DCHS2: variants seen among roughly 807,000 people sequenced by gnomAD.
The protein encoded by DCHS2 is protocadherin-23.
A neutral mutation model predicts 182.4 loss-of-function variants in DCHS2; 142 were observed. The observed-to-expected ratio is 0.78, with a 90% CI of 0.68 to 0.89. DCHS2 has a LOEUF of 0.89. Ranked by LOEUF, DCHS2 falls within the 40% of genes least tolerant of loss-of-function variation. The pLI is 0.00. For missense variants in DCHS2, 4,319 were observed against 4,198.6 expected, an observed-to-expected ratio of 1.03 and a Z score of -0.79; for synonymous variants, 1,740 against 1,663.3, an observed-to-expected ratio of 1.05 and a Z score of -1.12.
At chr4:154,349,875 C>G (rs570346499) in intron 3 of DCHS2, among the ~76,000 whole-genome samples, 1 of 152,286 alleles carries the variant, frequency 6.6e-6, no homozygotes, top group East Asian at 1.9e-4. Context: ...AAATGCATAG[C>G]TAGTTCCAGA....
intron 16 of DCHS2, among the ~76,000 whole-genome samples, chr4:154,253,431 G>T (rs190428627): frequency 1.3e-5 from 2 of 152,242 alleles, no homozygotes; most frequent in Admixed American, 6.5e-5. Context: ...TGAGTAAGAA[G>T]AACACTGTAA....
At chr4:154,239,045 T>C (rs1303986448) in intron 19 of DCHS2, 125 bp downstream of exon 19, 3 of 1,281,382 alleles carry the variant, frequency 2.3e-6, no homozygotes, top group Non-Finnish European at 3.1e-6. Flanking sequence ...GAAACAGTCG[T>C]GCTTATAATT....
chr4:154,285,854 G>T (rs1371369659), intron 13 of DCHS2, among the ~76,000 whole-genome samples: 1 of 151,968 alleles, frequency 6.6e-6, no homozygotes, highest in Non-Finnish European at 1.5e-5. Context: ...CCACTGTAGA[G>T]CCCTGGGGCC....
chr4:154,394,380 G>A (rs1377435199), intron 1 of DCHS2, among the ~76,000 whole-genome samples: 1 of 152,176 alleles, frequency 6.6e-6, no homozygotes, highest in East Asian at 1.9e-4. Context: ...TTGGACTCTG[G>A]TTTTCCCTCT....
chr4:154,406,328 A>C (rs1732399328), intron 1 of DCHS2, among the ~76,000 whole-genome samples: 1 of 152,182 alleles, frequency 6.6e-6, no homozygotes, highest in South Asian at 2.1e-4. Context: ...CTGCTCCTCA[A>C]ACTATGCCTC....
chr4:154,397,255 T>C (rs1731970104), intron 1 of DCHS2, among the ~76,000 whole-genome samples: 1 of 152,210 alleles, frequency 6.6e-6, no homozygotes, highest in South Asian at 2.1e-4. Context: ...TACATATTTG[T>C]CAAAATCTAT....
At chr4:154,362,795 T>C (rs566260467) in intron 3 of DCHS2, among the ~76,000 whole-genome samples, 2 of 152,168 alleles carry the variant, frequency 1.3e-5, no homozygotes, top group Non-Finnish European at 2.9e-5. Flanking sequence ...GATGAAGACC[T>C]TTACTTAATG....
At chr4:154,440,915 T>C (rs1431238581) in intron 1 of DCHS2, among the ~76,000 whole-genome samples, 1 of 152,198 alleles carries the variant, frequency 6.6e-6, no homozygotes, top group Non-Finnish European at 1.5e-5. Context: ...ACTCCATATG[T>C]CATTAGAGAA....
rs543823452 is a variant in DCHS2 at position 154,483,421 on chromosome 4, G to A, written c.2052+5883C>T. 1.2e-3 allele frequency among the ~76,000 whole-genome samples: 188 copies of A among 152,318 alleles called. 1 individual carries two copies. The highest frequency in any genetic ancestry group is 4.4e-3 in the African/African-American group (182 of 41,556). ...TGATTCCAGATTACAGGGGATGGCT[G>A]TAGGATAGGGTTCCTGGAGAGGAAG... On this transcript the variant is annotated intron_variant, in intron 1 of 19. Coordinates refer to ENST00000357232, the MANE Select transcript of DCHS2 (RefSeq NM_001358235.2).
In DCHS2 at chr4:154,237,043, T is replaced by C; in HGVS notation, c.7609A>G (p.Ile2537Val). Residue 2537 changes from isoleucine to valine, a missense_variant, in exon 20 of 20, where the codon ATA (isoleucine) becomes GTA (valine). By Grantham distance (29) the Ile-to-Val change is conservative (BLOSUM62 3). Transcript: ENST00000357232. ...TAATTGTTCATATCTTCTATTCCTA[T>C]CTCCACTAAAGTAAGAGCTCTCAGG... Reference protein sequence around the residue: ...PDLRALTLVEIGIEDMNNYAP... With the variant: ...PDLRALTLVEVGIEDMNNYAP... 1 of 1,613,964 alleles carries C rather than the reference T, an allele frequency of 6.2e-7. No homozygotes were observed. The highest frequency in any genetic ancestry group is 8.5e-7 in the Non-Finnish European group (1 of 1,179,928).
chr4:154,457,051 T>C (rs764343489), intron 1 of DCHS2, among the ~76,000 whole-genome samples: 3 of 152,196 alleles, frequency 2.0e-5, no homozygotes, highest in Non-Finnish European at 4.4e-5. Flanking sequence ...TCTTCATTGT[T>C]GATTCCCCAG....
intron 12 of DCHS2, among the ~76,000 whole-genome samples, chr4:154,302,450 G>T (rs976664459): frequency 1.3e-5 from 2 of 152,140 alleles, no homozygotes; most frequent in Non-Finnish European, 2.9e-5. Flanking sequence ...CCGAGTTGTG[G>T]GGGCTGTTTT....
chr4:154,283,821 C>A (rs764663328), intron 13 of DCHS2, among the ~76,000 whole-genome samples: 22 of 152,110 alleles, frequency 1.4e-4, no homozygotes, highest in Non-Finnish European at 2.9e-4. Context: ...ACTTCCCAAC[C>A]ATTTCTTGTA....
chr4:154,482,626 T>C (rs550931052), intron 1 of DCHS2, among the ~76,000 whole-genome samples: 1 of 152,304 alleles, frequency 6.6e-6, no homozygotes, highest in Non-Finnish European at 1.5e-5. Context: ...TCGTATTATG[T>C]GCTAAGAGAA....
intron 6 of DCHS2, among the ~76,000 whole-genome samples, chr4:154,329,269 T>C (rs1736413737): frequency 6.6e-6 from 1 of 152,208 alleles, no homozygotes; most frequent in South Asian, 2.1e-4. Flanking sequence ...ACCATTCAGT[T>C]TGTGTACAAG....
intron 1 of DCHS2, 31 bp from the exon 2 acceptor site, chr4:154,377,475 C>T (rs375992484): frequency 1.9e-6 from 3 of 1,564,226 alleles, no homozygotes; most frequent in Non-Finnish European, 2.6e-6. Flanking sequence ...CAGGAGGAAA[C>T]AGAAATGCTA....
intron 1 of DCHS2, chr4:154,384,405 CT>C (rs780493388): frequency 1.2e-5 from 19 of 1,613,452 alleles, no homozygotes; most frequent in Non-Finnish European, 8.5e-7. Flanking sequence ...CTCTTCCTGG[CT>C]TCTGAACACT....
chr4:154,234,936 C>A lies in DCHS2; in HGVS notation c.9716G>T (p.Ser3239Ile), dbSNP rs992327289. The A allele has an allele frequency of 6.8e-6, 11 of 1,613,892 alleles. No homozygotes were observed. Among genetic ancestry groups the A allele is most frequent in the Non-Finnish European group, 3.4e-6 (4 of 1,179,940 alleles). The change falls in exon 20 of 20, where the codon AGT becomes ATT. Residue 3239 changes from serine (S) to isoleucine (I), a missense_variant. Physicochemically the swap from Ser to Ile is moderately radical, Grantham distance 142. Transcript: ENST00000357232. The stretch of plus-strand genomic sequence containing the variant: ...AAGAGGTTGGAATTTGGGCTCCCAA[C>A]TAAGAAGATAATTCCAGTGATAGTT... Reference protein sequence around the residue: ...KDNYHWNYLLSWEPKFQPLAS... With the variant: ...KDNYHWNYLLIWEPKFQPLAS...
In DCHS2 at chr4:154,235,775, G is replaced by C; in HGVS notation, c.8877C>G (p.Ile2959Met). 6.2e-7 allele frequency: 1 copy of C among 1,613,864 alleles called. No individual in the cohort carries two copies. Among genetic ancestry groups the C allele is most frequent in the Non-Finnish European group, 8.5e-7 (1 of 1,179,880 alleles). ...NKEDTLEMKIIAHSPKSDSKF... is the reference protein window; with the variant it reads ...NKEDTLEMKIMAHSPKSDSKF... ...TGGAATCTGATTTGGGACTATGAGC[G>C]ATTATTTTCATTTCCAAGGTGTCTT... Residue 2959 changes from isoleucine (I) to methionine (M), a missense_variant, in exon 20 of 20, where the codon ATC (isoleucine) becomes ATG (methionine). By Grantham distance (10) the Ile-to-Met change is conservative. Coordinates refer to ENST00000357232, the MANE Select transcript of DCHS2 (RefSeq NM_001358235.2).
Sources: gnomAD v4.1 joint callset for allele counts (sites outside exome capture counted in the v4.1 genomes callset) on GRCh38, gnomAD v4.1.1 for gene constraint, MANE v1.5 for transcripts, NCBI Gene and HGNC (gene_info 2026-07-23, HGNC 2026-07-21) for gene names.